The following ARHGAP26 variants were observed in gnomAD, a reference collection of about 807,000 sequenced individuals.
The protein encoded by ARHGAP26 is Rho GTPase activating protein 26.
Under a neutral mutation model 104.8 loss-of-function variants are expected in ARHGAP26, and 38 were observed. That is an observed-to-expected ratio of 0.36 (90% CI 0.28 to 0.48). The LOEUF (loss-of-function observed/expected upper bound fraction) is 0.48, where lower values mean the gene tolerates loss of function less well. ARHGAP26 is among the 20% of genes least tolerant of loss of function. The pLI is 0.99. For synonymous variants in ARHGAP26, 341 were observed against 340.0 expected, an observed-to-expected ratio of 1.00 and a Z score of -0.03; for missense variants, 704 against 947.9, an observed-to-expected ratio of 0.74 and a Z score of 3.38.
intron 17 of ARHGAP26, among the ~76,000 whole-genome samples, chr5:143,093,160 T>C (rs1791717044): frequency 6.6e-6 from 1 of 150,902 alleles, no homozygotes; most frequent in Non-Finnish European, 1.5e-5. Flanking sequence ...TTTTTTTTTT[T>C]GGACTTAGGG....
intron 20 of ARHGAP26, among the ~76,000 whole-genome samples, chr5:143,194,722 G>A (rs1247526034): frequency 6.6e-6 from 1 of 152,196 alleles, no homozygotes; most frequent in Non-Finnish European, 1.5e-5. Flanking sequence ...TTCACAGATG[G>A]TGAAACTCTT....
Position 143,129,618 on chromosome 5 carries a change from G to A in ARHGAP26, c.1699-4349G>A, listed in dbSNP as rs76616697. On this transcript the variant is annotated intron_variant, in intron 18 of 22. Transcript: ENST00000645722. ...TATCTATGTGACCTTGGACAAATCAGTGAATCTCAAGGAGTCTCAGTTTTC... is the reference window on the plus strand; with the variant it reads ...TATCTATGTGACCTTGGACAAATCAATGAATCTCAAGGAGTCTCAGTTTTC... Among the ~76,000 whole-genome samples, 488 of 152,320 alleles carry A rather than the reference G, an allele frequency of 3.2e-3. 9 individuals are homozygous for A. In the East Asian group the frequency reaches 0.046, roughly 14 times the overall value.
Position 143,227,589 on chromosome 5 carries a change from A to C in ARHGAP26, c.*5143A>C, listed in dbSNP as rs1234373353. The C allele has an allele frequency of 8.7e-6, 2 of 230,098 alleles. No homozygotes were observed. Among genetic ancestry groups the C allele is most frequent in the Non-Finnish European group, 1.7e-5 (2 of 116,116 alleles). The allele number at this position is 230,098 out of a possible 1,614,324, so 14.3% of individuals were successfully genotyped here. The stretch of plus-strand genomic sequence containing the variant: ...GCATGCCTGAGACAAGACTCCAACA[A>C]GTAATAATTAGCTTTTTTTCTCCTG... On this transcript the variant is annotated 3_prime_UTR_variant, in exon 23 of 23. Transcript: ENST00000645722.
At chr5:143,120,958 A>G (rs1402759671) in intron 17 of ARHGAP26, 30 bp from the exon 18 acceptor site, 3 of 1,604,368 alleles carry the variant, frequency 1.9e-6, no homozygotes, top group South Asian at 1.1e-5. Context: ...GATTTGTCTC[A>G]TTGGTACCTT....
intron 11 of ARHGAP26, among the ~76,000 whole-genome samples, chr5:143,007,305 C>G (rs1271132372): frequency 1.3e-5 from 2 of 151,968 alleles, no homozygotes; most frequent in Non-Finnish European, 2.9e-5. Context: ...GCAACCCTGG[C>G]CAGTTCTCTC....
At chr5:143,103,172 G>C (rs1599024867) in intron 17 of ARHGAP26, 1 of 932,244 alleles carries the variant, frequency 1.1e-6, no homozygotes, top group Non-Finnish European at 1.3e-6. Context: ...CTGTTCTTTT[G>C]ATTTGCTTTG....
intron 11 of ARHGAP26, among the ~76,000 whole-genome samples, chr5:142,953,169 A>C (rs1768665945): frequency 6.6e-6 from 1 of 152,214 alleles, no homozygotes; most frequent in African/African-American, 2.4e-5. Flanking sequence ...CTGGATTCCC[A>C]CTACCGCTCT....
intron 20 of ARHGAP26, among the ~76,000 whole-genome samples, chr5:143,182,892 G>A (rs1317834472): frequency 1.3e-5 from 2 of 152,064 alleles, no homozygotes; most frequent in African/African-American, 4.8e-5. Context: ...TTTTATTGTA[G>A]TCCTCCTAAT....
At chr5:142,928,935 ATCC>A (rs1366129830) in intron 10 of ARHGAP26, among the ~76,000 whole-genome samples, 2 of 151,850 alleles carry the variant, frequency 1.3e-5, no homozygotes, top group Non-Finnish European at 1.5e-5. Context: ...ATTCCATATT[ATCC>A]TCCTTCTTTT....
chr5:143,150,372 G>A (rs1176599245), intron 20 of ARHGAP26, among the ~76,000 whole-genome samples: 1 of 152,198 alleles, frequency 6.6e-6, no homozygotes, highest in Admixed American at 6.5e-5. Context: ...CAGTGCTAAT[G>A]GGGACTTACA....
intron 19 of ARHGAP26, among the ~76,000 whole-genome samples, chr5:143,142,492 AT>A (rs201094846): frequency 2.6e-4 from 38 of 144,512 alleles, no homozygotes; most frequent in African/African-American, 1.1e-3. Context: ...CCTTTTTAAG[AT>A]TTTTTTAAAA....
chr5:142,778,374 G>A (rs115668148), intron 1 of ARHGAP26, among the ~76,000 whole-genome samples: 3,581 of 152,180 alleles, frequency 0.024, 120 homozygotes, highest in African/African-American at 0.069. Context: ...CAGTGTAAAA[G>A]CACCCCCTTT....
At chr5:143,032,289 G>A (rs952252066) in intron 12 of ARHGAP26, among the ~76,000 whole-genome samples, 14 of 152,072 alleles carry the variant, frequency 9.2e-5, no homozygotes, top group African/African-American at 2.9e-4. Context: ...GGCTGAGGGA[G>A]GGAAGTAAAC....
chr5:142,785,433 C>G (rs1437106228), intron 1 of ARHGAP26, among the ~76,000 whole-genome samples: 1 of 152,248 alleles, frequency 6.6e-6, no homozygotes, highest in Non-Finnish European at 1.5e-5. Context: ...TGCACACTCA[C>G]TGCCGAGGGG....
intron 11 of ARHGAP26, among the ~76,000 whole-genome samples, chr5:142,957,259 T>C (rs1244566251): frequency 1.3e-5 from 2 of 152,222 alleles, no homozygotes; most frequent in Non-Finnish European, 2.9e-5. Flanking sequence ...ACTTAAAGGC[T>C]ATCTTACAGC....
intron 1 of ARHGAP26, among the ~76,000 whole-genome samples, chr5:142,797,873 A>G (rs1472267599): frequency 6.6e-6 from 1 of 152,194 alleles, no homozygotes; most frequent in Non-Finnish European, 1.5e-5. Flanking sequence ...GTTAAAATGC[A>G]GGTTCTGAGG....
In ARHGAP26 at chr5:143,147,365, A is replaced by G; in HGVS notation, c.1972A>G (p.Thr658Ala). The G allele has an allele frequency of 6.2e-7, 1 of 1,613,258 alleles. No homozygotes were observed. The highest frequency in any genetic ancestry group is 8.5e-7 in the Non-Finnish European group (1 of 1,179,640). ...SDPDLAVVKPTRPNSLPPNPS... is the reference protein window; with the variant it reads ...SDPDLAVVKPARPNSLPPNPS... ...CCCAGACCTGGCTGTGGTCAAACCC[A>G]CCCGGCCCAACTCACTGTAAGTATG... The change falls in exon 20 of 23, where the codon ACC (threonine) becomes GCC (alanine). Residue 658 changes from threonine (T) to alanine (A), a missense_variant. This residue lies in a region of ARHGAP26 where 217 missense variants were observed against 242.6 expected (regional missense o/e 0.89). Coordinates refer to ENST00000645722, the MANE Select transcript of ARHGAP26 (RefSeq NM_001135608.3).
At chr5:143,221,336 A>G (rs929084383) in intron 22 of ARHGAP26, among the ~76,000 whole-genome samples, 1 of 151,822 alleles carries the variant, frequency 6.6e-6, no homozygotes, top group African/African-American at 2.4e-5. Flanking sequence ...GAGGAGGGGG[A>G]AATCTAGAGA....
chr5:143,118,888 A>AT (rs983066777), intron 17 of ARHGAP26, among the ~76,000 whole-genome samples: 3 of 152,012 alleles, frequency 2.0e-5, no homozygotes, highest in African/African-American at 7.3e-5. Flanking sequence ...ATGTATACAT[A>AT]TGTAACAAAC....
Sources: allele counts gnomAD v4.1 joint callset (sites outside exome capture counted in the v4.1 genomes callset), GRCh38; gene constraint gnomAD v4.1.1; regional missense constraint gnomAD v4.1.1; transcripts MANE v1.5; gene names NCBI Gene and HGNC (gene_info 2026-07-23, HGNC 2026-07-21).